APP: variants seen among roughly 807,000 people sequenced by gnomAD.
APP encodes amyloid-beta precursor protein.
A neutral mutation model predicts 101.4 loss-of-function variants in APP; 31 were observed. The observed-to-expected ratio is 0.31, with a 90% CI of 0.23 to 0.41. APP has a LOEUF of 0.41. Ranked by LOEUF, APP falls within the 10% of genes least tolerant of loss-of-function variation. The pLI is 1.00. For missense variants in APP, 839 were observed against 1,003.7 expected, an observed-to-expected ratio of 0.84 and a Z score of 2.22; for synonymous variants, 366 against 364.4, an observed-to-expected ratio of 1.00 and a Z score of -0.05.
At chr21:26,057,773 A>G (rs575020966) in intron 3 of APP, among the ~76,000 whole-genome samples, 1 of 152,356 alleles carries the variant, frequency 6.6e-6, no homozygotes, top group Non-Finnish European at 1.5e-5. Context: ...TCTCCATCCA[A>G]GAGTGGTAAC....
Position 26,112,083 on chromosome 21 carries a change from G to A in APP, c.121C>T (p.Leu41=). ...TTCTGGACATTCATGTGCATGTTCA[G>A]TCTGCCACAGAACATGGCAATCTGG... is the stretch of plus-strand genomic sequence containing the variant. ...EPQIAMFCGR[L]NMHMNVQNGK... The change falls in exon 2 of 18, where the codon CTG becomes TTG. Residue 41 remains leucine, a synonymous_variant. Transcript: ENST00000346798. The A allele has an allele frequency of 6.2e-7, 1 of 1,614,116 alleles. No individual in the cohort carries two copies. Among genetic ancestry groups the A allele is most frequent in the Non-Finnish European group, 8.5e-7 (1 of 1,180,008 alleles).
intron 1 of APP, among the ~76,000 whole-genome samples, chr21:26,143,331 T>A (rs2063087433): frequency 6.6e-6 from 1 of 152,178 alleles, no homozygotes; most frequent in Non-Finnish European, 1.5e-5. Flanking sequence ...ATGATGAAGT[T>A]TTGATAATCA....
At chr21:25,935,637 C>A (rs181118992) in intron 13 of APP, among the ~76,000 whole-genome samples, 3 of 151,978 alleles carry the variant, frequency 2.0e-5, no homozygotes, top group Admixed American at 6.6e-5. Flanking sequence ...GTCAGGAATT[C>A]GAGACCAGCC....
intron 3 of APP, among the ~76,000 whole-genome samples, chr21:26,088,320 T>C (rs997339581): frequency 6.6e-6 from 1 of 152,226 alleles, no homozygotes; most frequent in African/African-American, 2.4e-5. Flanking sequence ...TCATTCTGAA[T>C]AGAATATGAA....
chr21:25,949,797 G>C (rs907868415), intron 13 of APP, among the ~76,000 whole-genome samples: 1 of 152,118 alleles, frequency 6.6e-6, no homozygotes, highest in East Asian at 1.9e-4. Context: ...GGTTAAGTAG[G>C]GGAAAATTCC....
chr21:25,948,349 C>T (rs917644943), intron 13 of APP, among the ~76,000 whole-genome samples: 3 of 152,122 alleles, frequency 2.0e-5, no homozygotes, highest in African/African-American at 7.2e-5. Flanking sequence ...TATGGAAACA[C>T]TGTCTTTGAA....
chr21:25,988,427 T>C (rs192472242), intron 8 of APP, among the ~76,000 whole-genome samples: 9 of 152,174 alleles, frequency 5.9e-5, no homozygotes, highest in Admixed American at 2.0e-4. Context: ...ACAGGCTGGG[T>C]GCAGTGGCTC....
At chr21:26,126,775 C>G (rs574475521) in intron 1 of APP, among the ~76,000 whole-genome samples, 1 of 152,112 alleles carries the variant, frequency 6.6e-6, no homozygotes, top group Non-Finnish European at 1.5e-5. Flanking sequence ...AAACTCCAAC[C>G]TAAGCCTTTA....
chr21:25,985,498 C>T lies in APP; in HGVS notation c.1091-3021G>A, dbSNP rs566503460. On this transcript the variant is annotated intron_variant, in intron 8 of 17. Transcript: ENST00000346798. ...TGGCTGCCTGAGTCAGGATATTGGT[C>T]TTCTCTTCTCCCTGGACTGAAATTT... Among the ~76,000 whole-genome samples the T allele has an allele frequency of 2.0e-5, 3 of 152,230 alleles. No homozygotes were observed. The South Asian group carries it at 6.2e-4, about 32-fold the overall frequency.
chr21:25,974,049 C>T (rs1409197737), intron 11 of APP, among the ~76,000 whole-genome samples: 1 of 151,318 alleles, frequency 6.6e-6, no homozygotes, highest in African/African-American at 2.4e-5. Context: ...CCGGTGAACA[C>T]ATCTATGCCT....
At chr21:25,940,041 T>C (rs1006865687) in intron 13 of APP, among the ~76,000 whole-genome samples, 2 of 152,172 alleles carry the variant, frequency 1.3e-5, no homozygotes. Context: ...TTTAGGCTGA[T>C]GGCTTAAACC....
At chr21:26,129,670 T>C (rs1052291751) in intron 1 of APP, among the ~76,000 whole-genome samples, 1 of 152,088 alleles carries the variant, frequency 6.6e-6, no homozygotes, top group Non-Finnish European at 1.5e-5. Context: ...ACACGAAGTA[T>C]AGACAATAAG....
chr21:25,933,092 A>C (rs1255666843), intron 13 of APP, among the ~76,000 whole-genome samples: 1 of 152,090 alleles, frequency 6.6e-6, no homozygotes, highest in Non-Finnish European at 1.5e-5. Context: ...CCATCACTTA[A>C]ATGTTTTTCT....
At chr21:26,147,633 A>G (rs1178011280) in intron 1 of APP, among the ~76,000 whole-genome samples, 1 of 152,166 alleles carries the variant, frequency 6.6e-6, no homozygotes, top group East Asian at 1.9e-4. Context: ...AAATGGCTCA[A>G]TCAATTTATT....
At chr21:25,996,037 A>G (rs1191103153) in intron 8 of APP, among the ~76,000 whole-genome samples, 1 of 152,192 alleles carries the variant, frequency 6.6e-6, no homozygotes, top group East Asian at 1.9e-4. Context: ...AATCATAAGC[A>G]TAAATGGCAT....
intron 13 of APP, among the ~76,000 whole-genome samples, chr21:25,917,378 A>G (rs980516968): frequency 6.6e-6 from 1 of 152,184 alleles, no homozygotes; most frequent in Non-Finnish European, 1.5e-5. Flanking sequence ...AAACAACATC[A>G]AAAGATAATA....
chr21:25,972,904 C>G (rs1156751743), intron 11 of APP, among the ~76,000 whole-genome samples: 2 of 150,450 alleles, frequency 1.3e-5, no homozygotes, highest in East Asian at 1.9e-4. Context: ...CAACCGCTTA[C>G]AGAGAGAGAG....
At chr21:25,989,635 CTCCTT>C (rs2042779535) in intron 8 of APP, among the ~76,000 whole-genome samples, 1 of 152,178 alleles carries the variant, frequency 6.6e-6, no homozygotes, top group Non-Finnish European at 1.5e-5. Context: ...TTGGGTTAGT[CTCCTT>C]TCATCAGCAG....
intron 17 of APP, among the ~76,000 whole-genome samples, chr21:25,888,444 C>G (rs2037481282): frequency 6.6e-6 from 1 of 152,174 alleles, no homozygotes; most frequent in South Asian, 2.1e-4. Context: ...GGAATGTGGT[C>G]TATTTCAACA....
Sources: allele counts gnomAD v4.1 joint callset (sites outside exome capture counted in the v4.1 genomes callset), GRCh38; gene constraint gnomAD v4.1.1; transcripts MANE v1.5; gene names NCBI Gene and HGNC (gene_info 2026-07-23, HGNC 2026-07-21).